Variants in GRIK3 observed in about 807,000 individuals in gnomAD.
The protein encoded by GRIK3 is glutamate receptor ionotropic, kainate 3.
In GRIK3, 29 loss-of-function variants were observed where a neutral mutation model predicts 102.5. The ratio of observed to expected loss-of-function variants is 0.28; its 90% CI spans 0.21 to 0.39. The LOEUF (loss-of-function observed/expected upper bound fraction) is 0.39, where lower values mean the gene tolerates loss of function less well. GRIK3 is among the 10% of genes least tolerant of loss of function. The pLI, the probability that GRIK3 is intolerant of heterozygous loss-of-function variation, is 1.00. For synonymous variants in GRIK3, 511 were observed against 504.9 expected (o/e 1.01, Z -0.16); for missense variants, 908 against 1,252.4 (o/e 0.73, Z 4.15).
At chr1:36,879,730 G>A (rs1640945184) in intron 3 of GRIK3, among the ~76,000 whole-genome samples, 1 of 152,188 alleles carries the variant, frequency 6.6e-6, no homozygotes, top group South Asian at 2.1e-4. Context: ...CCAGAAAAAT[G>A]TGGGCAGCAT....
intron 9 of GRIK3, among the ~76,000 whole-genome samples, chr1:36,847,472 G>C (rs1640532323): frequency 2.0e-5 from 3 of 152,216 alleles, no homozygotes; most frequent in Non-Finnish European, 4.4e-5. Flanking sequence ...CCATGGGCAG[G>C]GGTCTTTGGT....
chr1:36,812,469 G>A (rs538817654), intron 13 of GRIK3, among the ~76,000 whole-genome samples: 6 of 152,204 alleles, frequency 3.9e-5, no homozygotes, highest in Non-Finnish European at 7.4e-5. Flanking sequence ...CTTTCCCAAC[G>A]TTCTCCTTTA....
intron 1 of GRIK3, among the ~76,000 whole-genome samples, chr1:36,915,241 T>C (rs1641385883): frequency 6.6e-6 from 1 of 152,162 alleles, no homozygotes; most frequent in Non-Finnish European, 1.5e-5. Flanking sequence ...AATATCTATT[T>C]GCTGTCTTAA....
intron 1 of GRIK3, among the ~76,000 whole-genome samples, chr1:36,958,219 T>C (rs2124344121): frequency 9.4e-6 from 1 of 106,420 alleles, no homozygotes; most frequent in Admixed American, 1.0e-4. Flanking sequence ...CTGTGCCCCG[T>C]GAGCCTGTGT....
intron 14 of GRIK3, among the ~76,000 whole-genome samples, 189 bp downstream of exon 14, chr1:36,805,915 A>C (rs1033249066): frequency 1.3e-5 from 2 of 148,496 alleles, no homozygotes; most frequent in African/African-American, 5.0e-5. Context: ...CAGCCTGGGC[A>C]ACAAAAGCGA....
intron 1 of GRIK3, among the ~76,000 whole-genome samples, chr1:36,925,437 C>G (rs187725738): frequency 1.3e-5 from 2 of 152,388 alleles, no homozygotes; most frequent in African/African-American, 4.8e-5. Context: ...TGCCCAGCTT[C>G]TGGTCAGGCC....
intron 1 of GRIK3, among the ~76,000 whole-genome samples, chr1:36,967,049 T>G (rs1642087169): frequency 6.6e-6 from 1 of 152,180 alleles, no homozygotes; most frequent in Non-Finnish European, 1.5e-5. Flanking sequence ...AAGTATCAGG[T>G]CTTGTGTTGG....
chr1:36,956,472 C>T (rs1003742758), intron 1 of GRIK3, among the ~76,000 whole-genome samples: 2 of 152,218 alleles, frequency 1.3e-5, no homozygotes, highest in East Asian at 3.9e-4. Context: ...GAAAAACCCG[C>T]TAACTCCTTC....
At chr1:36,949,682 C>T (rs1641823033) in intron 1 of GRIK3, among the ~76,000 whole-genome samples, 1 of 144,186 alleles carries the variant, frequency 6.9e-6, no homozygotes, top group Admixed American at 7.4e-5. Flanking sequence ...TCAGGTGATT[C>T]TCCTGTCTCA....
At chr1:36,882,401 T>C (rs923720450) in intron 2 of GRIK3, among the ~76,000 whole-genome samples, 1 of 152,100 alleles carries the variant, frequency 6.6e-6, no homozygotes, top group Non-Finnish European at 1.5e-5. Flanking sequence ...CAGCTGGGGC[T>C]CAAAATGGGG....
In GRIK3 at chr1:36,959,625, T is replaced by C. The variant is rs921667457; in HGVS notation, c.116-68529A>G. ...CATGAGCCTGTGTGCCCCGTAACTC[T>C]GTGCCCTGTGAGCCTATGTGTCCCA... On this transcript the variant is annotated intron_variant, in intron 1 of 15. Transcript: ENST00000373091. Among the ~76,000 whole-genome samples, 7 of 135,082 alleles carry C rather than the reference T, an allele frequency of 5.2e-5. 1 individual carries two copies. Among genetic ancestry groups the C allele is most frequent in the Non-Finnish European group, 1.2e-4 (7 of 60,636 alleles). The allele number at this position is 135,082 out of a possible 152,430, so 88.6% of individuals were successfully genotyped here.
chr1:37,010,524 A>G (rs568345391), intron 1 of GRIK3, among the ~76,000 whole-genome samples: 19 of 152,212 alleles, frequency 1.2e-4, no homozygotes, highest in East Asian at 1.9e-4. Flanking sequence ...CTGTGCTACA[A>G]TGATGCTCCT....
At chr1:37,010,476 T>C (rs480411) in intron 1 of GRIK3, among the ~76,000 whole-genome samples, 64,849 of 152,042 alleles carry the variant, frequency 0.43, 15,654 homozygotes, top group African/African-American at 0.65. Context: ...GGGATTCAAA[T>C]CCAGTGATTT....
At chr1:36,937,235 G>A (rs1224436428) in intron 1 of GRIK3, among the ~76,000 whole-genome samples, 1 of 152,174 alleles carries the variant, frequency 6.6e-6, no homozygotes, top group Non-Finnish European at 1.5e-5. Flanking sequence ...AGCACAGAGT[G>A]GGATGGGGAG....
chr1:36,890,879 C>G, intron 2 of GRIK3, 41 bp downstream of exon 2: 1 of 1,507,186 alleles, frequency 6.6e-7, no homozygotes, highest in Non-Finnish European at 9.0e-7. Flanking sequence ...CTTCCCCTCC[C>G]CAGGCTGGGA....
At chr1:37,011,843 G>A (rs1642599594) in intron 1 of GRIK3, among the ~76,000 whole-genome samples, 1 of 152,184 alleles carries the variant, frequency 6.6e-6, no homozygotes, top group Non-Finnish European at 1.5e-5. Context: ...GGCTACGAAT[G>A]ATGGGTCTTG....
chr1:36,936,782 C>T (rs1041648747), intron 1 of GRIK3, among the ~76,000 whole-genome samples: 7 of 150,870 alleles, frequency 4.6e-5, no homozygotes, highest in African/African-American at 9.7e-5. Context: ...AGTGAATGTG[C>T]GAACAAATGG....
chr1:36,970,856 C>T (rs1249723447), intron 1 of GRIK3, among the ~76,000 whole-genome samples: 1 of 152,200 alleles, frequency 6.6e-6, no homozygotes, highest in African/African-American at 2.4e-5. Flanking sequence ...CTTTGTTCCC[C>T]CAATAGCCTT....
chr1:36,831,806 G>A (rs920446424), intron 10 of GRIK3, among the ~76,000 whole-genome samples: 10 of 152,132 alleles, frequency 6.6e-5, no homozygotes, highest in East Asian at 1.9e-4. Flanking sequence ...AAATAACCCC[G>A]TGTGGCTGGT....
Sources: gnomAD v4.1 joint callset for allele counts (sites outside exome capture counted in the v4.1 genomes callset) on GRCh38, gnomAD v4.1.1 for gene constraint, MANE v1.5 for transcripts, NCBI Gene and HGNC (gene_info 2026-07-23, HGNC 2026-07-21) for gene names.